ABCC9: variants seen among roughly 807,000 people sequenced by gnomAD.
ABCC9 encodes ATP binding cassette subfamily C member 9.
A neutral mutation model predicts 188.3 loss-of-function variants in ABCC9; 95 were observed. That is an observed-to-expected ratio of 0.50 (90% CI 0.43 to 0.60). The LOEUF (loss-of-function observed/expected upper bound fraction) is 0.60, where lower values mean the gene tolerates loss of function less well. Ranked by LOEUF, ABCC9 falls within the 20% of genes least tolerant of loss-of-function variation. The pLI is 0.00. For synonymous variants in ABCC9, 659 were observed against 652.7 expected (o/e 1.01, Z -0.15); for missense variants, 1,102 against 1,876.3 (o/e 0.59, Z 7.62).
At chr12:21,844,185 A>G (rs1944516733) in intron 28 of ABCC9, among the ~76,000 whole-genome samples, 1 of 152,200 alleles carries the variant, frequency 6.6e-6, no homozygotes, top group Non-Finnish European at 1.5e-5. Context: ...GAATGCTGAT[A>G]TGACTTTAAT....
chr12:21,907,934 A>G, intron 11 of ABCC9, 143 bp downstream of exon 11: 1 of 996,384 alleles, frequency 1.0e-6, no homozygotes, highest in Non-Finnish European at 1.5e-6. Flanking sequence ...CAACATGGAA[A>G]ATACACATTT....
rs764574133 is a variant in ABCC9, at chr12:21,913,001, C to T, written c.882G>A (p.Gly294=). The change falls in exon 8 of 40, where the codon GGG becomes GGA. Residue 294 remains glycine (G), a synonymous_variant. Transcript: ENST00000261200. The part of the protein sequence containing the change: ...SIWLAMYRAF[G]RPILLSSTFR... ...ATGTGCTACTAAGTAGAATTGGTCG[C>T]CCAAAAGCTCTGTACATTGCAAGCC... 13 of 1,613,026 alleles carry T rather than the reference C, an allele frequency of 8.1e-6. No homozygotes were observed. The East Asian group carries it at 2.9e-4, about 36-fold the overall frequency.
intron 15 of ABCC9, among the ~76,000 whole-genome samples, chr12:21,884,823 T>C (rs907490700): frequency 2.6e-5 from 4 of 152,224 alleles, no homozygotes; most frequent in Non-Finnish European, 4.4e-5. Context: ...ATTTTAGTTT[T>C]GTTTTTCCTT....
chr12:21,937,371 T>A (rs745933818), intron 2 of ABCC9, among the ~76,000 whole-genome samples: 1 of 152,178 alleles, frequency 6.6e-6, no homozygotes, highest in Admixed American at 6.5e-5. Flanking sequence ...ACGCAGGATG[T>A]CTTTTAACTG....
chr12:21,905,166 C>G (rs1379947463), intron 12 of ABCC9, among the ~76,000 whole-genome samples: 2 of 152,230 alleles, frequency 1.3e-5, no homozygotes, highest in South Asian at 2.1e-4. Flanking sequence ...CAAACTATTG[C>G]AGGGACAAAA....
chr12:21,940,076 C>T (rs1393752050), intron 2 of ABCC9, among the ~76,000 whole-genome samples: 1 of 152,124 alleles, frequency 6.6e-6, no homozygotes, highest in Non-Finnish European at 1.5e-5. Context: ...TAAGGTACAC[C>T]ATTTATTGTG....
chr12:21,872,140 T>A (rs1039755108), intron 18 of ABCC9, among the ~76,000 whole-genome samples: 4 of 152,206 alleles, frequency 2.6e-5, no homozygotes, highest in Middle Eastern at 3.2e-3. Flanking sequence ...TATCTCCAAC[T>A]AGACGCTTCT....
chr12:21,887,110 T>C (rs1946913903), intron 15 of ABCC9, among the ~76,000 whole-genome samples: 1 of 149,162 alleles, frequency 6.7e-6, no homozygotes, highest in Non-Finnish European at 1.5e-5. Flanking sequence ...ACCCTAAGTC[T>C]TGGCACAAAG....
At chr12:21,839,596 G>A (rs1944273611) in intron 29 of ABCC9, among the ~76,000 whole-genome samples, 1 of 152,194 alleles carries the variant, frequency 6.6e-6, no homozygotes, top group South Asian at 2.1e-4. Flanking sequence ...ATAGAAGATA[G>A]GCTAACAGTT....
intron 18 of ABCC9, among the ~76,000 whole-genome samples, chr12:21,871,859 G>A (rs190540518): frequency 1.3e-5 from 2 of 152,262 alleles, no homozygotes; most frequent in East Asian, 3.9e-4. Flanking sequence ...AGAACCACTG[G>A]TCTATAGCCT....
chr12:21,886,441 A>T (rs1480736521), intron 15 of ABCC9, among the ~76,000 whole-genome samples: 1 of 151,842 alleles, frequency 6.6e-6, no homozygotes, highest in African/African-American at 2.4e-5. Flanking sequence ...ACTGAATTTG[A>T]TCTCCTTTTT....
chr12:21,896,105 CT>C lies in ABCC9; in HGVS notation c.1619-791del, dbSNP rs796791024. On this transcript the variant is annotated intron_variant, in intron 12 of 39. Coordinates refer to ENST00000261200, the MANE Select transcript of ABCC9 (RefSeq NM_020297.4). Reference sequence around the variant, plus strand: ...TTTTTTTTTTTTTTTTTTTACTTTTCTTTTTTTTTTTATTATACTTTAAGTT... The same window carrying C: ...TTTTTTTTTTTTTTTTTTTACTTTTCTTTTTTTTTTATTATACTTTAAGTT... Among the ~76,000 whole-genome samples the C allele has an allele frequency of 7.2e-3, 324 of 45,072 alleles. 1 individual carries two copies. Among genetic ancestry groups the C allele is most frequent in the South Asian group, 0.07 (98 of 1,404 alleles). 29.6% of individuals were successfully genotyped at this position (45,072 alleles called of 152,430 possible). A position where few individuals can be genotyped will look rare whatever the true frequency, so the allele number is the denominator to read the frequency against.
chr12:21,913,187 A>G (rs1191328796), intron 7 of ABCC9, 121 bp from the exon 8 acceptor site: 3 of 844,272 alleles, frequency 3.6e-6, no homozygotes, highest in Non-Finnish European at 5.4e-6. Flanking sequence ...GGGTTTAAAA[A>G]TTGATGTTAA....
At chr12:21,912,730 C>A in intron 8 of ABCC9, 142 bp downstream of exon 8, 2 of 813,442 alleles carry the variant, frequency 2.5e-6, no homozygotes, top group Non-Finnish European at 3.8e-6. Flanking sequence ...AGGAAAATTA[C>A]TGTTTTCTTT....
rs1942572313 is a variant in ABCC9 at position 21,815,746 on chromosome 12, A to T, written c.4023+17T>A. The T allele has an allele frequency of 2.5e-6, 4 of 1,611,508 alleles. No homozygotes were observed. In the South Asian group the frequency reaches 4.4e-5, roughly 18 times the overall value. ...AGGTTTTATGTATACAACATATCAA[A>T]TGCAGTGATTTCATACCTTTTGTCC... On this transcript the variant is annotated intron_variant, in intron 34 of 39. Transcript: ENST00000261200.
At chr12:21,814,843 A>AT (rs1942496685) in intron 34 of ABCC9, 121 bp from the exon 35 acceptor site, 1 of 787,542 alleles carries the variant, frequency 1.3e-6, no homozygotes, top group Non-Finnish European at 2.2e-6. Flanking sequence ...AAATAATTAC[A>AT]TTATAGTTAT....
At position 21,872,730 on chromosome 12, in the gene ABCC9, C is replaced by T; in HGVS notation, c.2093G>A (p.Gly698Asp). 1 of 1,606,854 alleles carries T rather than the reference C, an allele frequency of 6.2e-7. No individual in the cohort carries two copies. Among genetic ancestry groups the T allele is most frequent in the Non-Finnish European group, 8.5e-7 (1 of 1,173,528 alleles). The change falls in exon 18 of 40, where the codon GGT becomes GAT. Residue 698 changes from glycine to aspartate, a missense_variant and splice_region_variant. Physicochemically the swap from Gly to Asp is moderately conservative, Grantham distance 94 (BLOSUM62 -1). Transcript: ENST00000261200. ...TTGGCCCACAATCATGGTTAACTGA[C>T]CTAGGAAAGCAAAACAAAGGATAAC... ...LSNIDIRIPTGQLTMIVGQVG... is the reference protein window; with the variant it reads ...LSNIDIRIPTDQLTMIVGQVG...
At chr12:21,902,075 A>G (rs1041544055) in intron 12 of ABCC9, among the ~76,000 whole-genome samples, 10 of 152,360 alleles carry the variant, frequency 6.6e-5, no homozygotes, top group Non-Finnish European at 1.3e-4. Context: ...AATGTAAAAG[A>G]ACAGAAATTA....
At chr12:21,881,239 G>A (rs77923631) in intron 16 of ABCC9, among the ~76,000 whole-genome samples, 2,127 of 152,130 alleles carry the variant, frequency 0.014, 87 homozygotes, top group East Asian at 0.13. Context: ...ATATAAATAT[G>A]TACTTCTCTG....
Sources: allele counts gnomAD v4.1 joint callset (sites outside exome capture counted in the v4.1 genomes callset), GRCh38; gene constraint gnomAD v4.1.1; transcripts MANE v1.5; gene names NCBI Gene and HGNC (gene_info 2026-07-23, HGNC 2026-07-21).